Variants in SETD2 observed in about 807,000 individuals in gnomAD.
SETD2 encodes SET domain containing 2, histone lysine methyltransferase, also known as histone-lysine N-methyltransferase SETD2.
Under a neutral mutation model 242.1 loss-of-function variants are expected in SETD2, and 31 were observed. That is an observed-to-expected ratio of 0.13 (90% CI 0.10 to 0.17). The LOEUF (loss-of-function observed/expected upper bound fraction) is 0.17. Ranked by LOEUF, SETD2 falls within the 10% of genes least tolerant of loss-of-function variation. SETD2 has a pLI of 1.00. For missense variants in SETD2, 2,481 were observed against 3,046.3 expected (o/e 0.81, Z 4.37); for synonymous variants, 1,006 against 1,066.5 (o/e 0.94, Z 1.11).
chr3:47,088,956 G>A (rs1050299107), intron 9 of SETD2, among the ~76,000 whole-genome samples: 11 of 151,986 alleles, frequency 7.2e-5, no homozygotes, highest in African/African-American at 2.4e-4. Context: ...TTGGATAAAC[G>A]GCCATGTTCA....
intron 6 of SETD2, chr3:47,105,680 C>T (rs2042383861): frequency 2.2e-6 from 1 of 450,122 alleles, no homozygotes; most frequent in Non-Finnish European, 4.4e-6. Flanking sequence ...AATCTCAATG[C>T]TTTGGTGAGG....
chr3:47,120,569 A>C lies in SETD2; in HGVS notation c.4067T>G (p.Phe1356Cys). 6.2e-7 allele frequency: 1 copy of C among 1,614,130 alleles called. No individual in the cohort carries two copies. Among genetic ancestry groups the C allele is most frequent in the Non-Finnish European group, 8.5e-7 (1 of 1,180,018 alleles). ...CTTGTCTTTCTGAAGGGATAGAAGA[A>C]ATTTATCGGACTGGTCTGAAAAATG... Reference protein sequence around the residue: ...GSHFSDQSDKFLLSLQKDKGS... With the variant: ...GSHFSDQSDKCLLSLQKDKGS... The change falls in exon 3 of 21, where the codon TTT becomes TGT. Residue 1356 changes from phenylalanine (F) to cysteine (C), a missense_variant. Around this residue, in one of 17 missense-constraint regions of SETD2, gnomAD observed 1,300 missense variants for 1,259.2 expected, o/e 1.03. Transcript: ENST00000409792.
At chr3:47,074,473 G>A (rs902070920) in intron 12 of SETD2, among the ~76,000 whole-genome samples, 3 of 152,190 alleles carry the variant, frequency 2.0e-5, no homozygotes, top group African/African-American at 7.2e-5. Flanking sequence ...CATTATGGGT[G>A]TATTCTTGGT....
intron 2 of SETD2, among the ~76,000 whole-genome samples, chr3:47,125,899 CT>C (rs1484444326): frequency 6.6e-6 from 1 of 152,214 alleles, no homozygotes; most frequent in East Asian, 1.9e-4. Flanking sequence ...CTTTAATCCA[CT>C]TTGGCTATTT....
Position 47,164,109 on chromosome 3 carries a change from T to C in SETD2, c.-185A>G. 9.5e-7 allele frequency: 1 copy of C among 1,051,496 alleles called. No individual in the cohort carries two copies. 65.1% of individuals were successfully genotyped at this position (1,051,496 alleles called of 1,614,324 possible). On this transcript the variant is annotated 5_prime_UTR_variant, in exon 1 of 21. Coordinates refer to ENST00000409792, the MANE Select transcript of SETD2 (RefSeq NM_014159.7). The surrounding 1 kb of genome is among the most constrained non-coding windows in gnomAD (Gnocchi z 5.4). ...CCTCCCTCGGACGCCCGCCAGCCGCTCTCTCCCTCTCACCCTCACACCGGG... is the reference window on the plus strand; with the variant it reads ...CCTCCCTCGGACGCCCGCCAGCCGCCCTCTCCCTCTCACCCTCACACCGGG...
intron 5 of SETD2, among the ~76,000 whole-genome samples, chr3:47,106,499 A>T (rs2042428437): frequency 1.2e-4 from 4 of 32,782 alleles, no homozygotes; most frequent in Non-Finnish European, 1.8e-4. Flanking sequence ...GCTCTAAAAA[A>T]AAAAAAAAAA....
intron 13 of SETD2, among the ~76,000 whole-genome samples, chr3:47,062,640 G>A (rs1270353844): frequency 6.6e-6 from 1 of 152,168 alleles, no homozygotes; most frequent in African/African-American, 2.4e-5. Context: ...GCACATGCAT[G>A]CAAGATATTC....
At position 47,123,506 on chromosome 3, in the gene SETD2, T is replaced by C; in HGVS notation, c.1130A>G (p.Tyr377Cys). The part of the protein sequence containing the change: ...SRSKTDRDDK[Y>C]FSYSKLERDT... ...TCTTTCAAGTTTTGAATAGCTAAAA[T>C]ATTTATCATCTCTGTCTGTTTTAGA... Residue 377 changes from tyrosine to cysteine, a missense_variant, in exon 3 of 21, where the codon TAT (tyrosine) becomes TGT (cysteine). This residue lies in a region of SETD2 where 1,300 missense variants were observed against 1,259.2 expected (regional missense o/e 1.03). Transcript: ENST00000409792. The C allele has an allele frequency of 6.4e-7, 1 of 1,551,112 alleles. No individual in the cohort carries two copies. Among genetic ancestry groups the C allele is most frequent in the African/African-American group, 1.4e-5 (1 of 73,186 alleles).
chr3:47,114,894 A>G (rs901927351), intron 4 of SETD2, among the ~76,000 whole-genome samples: 18 of 151,410 alleles, frequency 1.2e-4, no homozygotes, highest in Non-Finnish European at 2.5e-4. Context: ...AAAAAAAAAA[A>G]AAAAGACCAC....
intron 18 of SETD2, among the ~76,000 whole-genome samples, chr3:47,037,348 T>C (rs1458761384): frequency 3.5e-5 from 5 of 141,488 alleles, no homozygotes; most frequent in South Asian, 2.5e-4. Flanking sequence ...GTTCTCGTTG[T>C]TCAATTCCCA....
intron 13 of SETD2, among the ~76,000 whole-genome samples, chr3:47,064,191 C>T (rs1346325953): frequency 6.6e-6 from 1 of 152,006 alleles, no homozygotes; most frequent in African/African-American, 2.4e-5. Flanking sequence ...TGTTTTACTC[C>T]CTCAGCAACC....
In SETD2 at chr3:47,084,194, G is replaced by C; in HGVS notation, c.5586C>G (p.Thr1862=). Reference sequence around the variant, plus strand: ...CTGTGTCAGCTTCTGTGCTCAGCTTGGTGGAAGGATCAGGTGTGTTGAGTG... The same window carrying C: ...CTGTGTCAGCTTCTGTGCTCAGCTTCGTGGAAGGATCAGGTGTGTTGAGTG... ...HTPLNTPDPS[T]KLSTEADTDT... Residue 1862 remains threonine, a synonymous_variant, in exon 12 of 21, where the codon ACC becomes ACG. Coordinates refer to ENST00000409792, the MANE Select transcript of SETD2 (RefSeq NM_014159.7). 1 of 1,614,046 alleles carries C rather than the reference G, an allele frequency of 6.2e-7. No individual in the cohort carries two copies. Among genetic ancestry groups the C allele is most frequent in the Non-Finnish European group, 8.5e-7 (1 of 1,179,990 alleles).
intron 12 of SETD2, among the ~76,000 whole-genome samples, chr3:47,080,539 G>C (rs1280598801): frequency 6.6e-6 from 1 of 152,130 alleles, no homozygotes; most frequent in Non-Finnish European, 1.5e-5. Flanking sequence ...GTAACCAGCT[G>C]TTTTGCCCTA....
chr3:47,146,098 A>G (rs1005091638), intron 1 of SETD2, among the ~76,000 whole-genome samples: 4 of 151,596 alleles, frequency 2.6e-5, no homozygotes, highest in African/African-American at 9.7e-5. Flanking sequence ...TCCAGAAAGC[A>G]TATCCCACTT....
rs773031107 is a variant in SETD2, at chr3:47,122,159, T to C, written c.2477A>G (p.Asn826Ser). 19 of 1,613,988 alleles carry C rather than the reference T, an allele frequency of 1.2e-5. No individual in the cohort carries two copies. Among genetic ancestry groups the C allele is most frequent in the Non-Finnish European group, 1.1e-5 (13 of 1,179,898 alleles). ...AACTGGTTTTGATTCCAAATGCACA[T>C]TCATAAAGCTATTTGAAGAAATCTT... ...VMKISSNSFM[N>S]VHLESKPVIC... Residue 826 changes from asparagine to serine, a missense_variant, in exon 3 of 21, where the codon AAT (asparagine) becomes AGT (serine). Around this residue, in one of 17 missense-constraint regions of SETD2, gnomAD observed 1,300 missense variants for 1,259.2 expected, o/e 1.03. Transcript: ENST00000409792.
chr3:47,024,812 A>G (rs921325598), intron 18 of SETD2, among the ~76,000 whole-genome samples: 2 of 152,252 alleles, frequency 1.3e-5, no homozygotes, highest in African/African-American at 4.8e-5. Flanking sequence ...TGCTGCCTCA[A>G]TTGTGCAAGT....
chr3:47,119,885 T>C lies in SETD2; in HGVS notation c.4454+297A>G, dbSNP rs554101158. On this transcript the variant is annotated intron_variant, in intron 3 of 20. Transcript: ENST00000409792. The stretch of plus-strand genomic sequence containing the variant: ...CTGTTTTTTTGGTCAGACTTTCACA[T>C]GTAAAAGGAATTACAGAAATACTGG... The C allele has an allele frequency of 1.5e-4, 72 of 469,736 alleles. 1 individual carries two copies. Among genetic ancestry groups the C allele is most frequent in the South Asian group, 1.4e-3 (70 of 50,514 alleles). 29.1% of individuals were successfully genotyped at this position (469,736 alleles called of 1,614,324 possible).
intron 9 of SETD2, among the ~76,000 whole-genome samples, chr3:47,091,671 G>A (rs759857595): frequency 1.3e-5 from 2 of 152,146 alleles, no homozygotes; most frequent in Non-Finnish European, 2.9e-5. Flanking sequence ...GCTGTGGCAG[G>A]AGAATCACTT....
chr3:47,052,791 G>C (rs558804983), intron 15 of SETD2, among the ~76,000 whole-genome samples: 1 of 152,136 alleles, frequency 6.6e-6, no homozygotes, highest in Admixed American at 6.5e-5. Flanking sequence ...ACTCTAGCCT[G>C]GGTGATAAAG....
Sources: gnomAD v4.1 joint callset for allele counts (sites outside exome capture counted in the v4.1 genomes callset) on GRCh38, gnomAD v4.1.1 for gene constraint, gnomAD v4.1.1 regional missense constraint, Gnocchi (gnomAD v3.1) non-coding constraint, MANE v1.5 for transcripts, NCBI Gene and HGNC (gene_info 2026-07-23, HGNC 2026-07-21) for gene names.